TRAPPC9: variants seen among roughly 807,000 people sequenced by gnomAD.
TRAPPC9 encodes the protein trafficking protein particle complex subunit 9.
A neutral mutation model predicts 124.0 loss-of-function variants in TRAPPC9; 83 were observed. The observed-to-expected ratio is 0.67, with a 90% CI of 0.56 to 0.80. The LOEUF (loss-of-function observed/expected upper bound fraction) is 0.80. TRAPPC9 is among the 30% of genes least tolerant of loss of function. TRAPPC9 has a pLI of 0.00. For synonymous variants in TRAPPC9, 638 were observed against 617.5 expected, an observed-to-expected ratio of 1.03 and a Z score of -0.49; for missense variants, 1,302 against 1,508.3, an observed-to-expected ratio of 0.86 and a Z score of 2.27.
Position 140,268,898 on chromosome 8 carries a change from G to A in TRAPPC9, c.2278+6760C>T, listed in dbSNP as rs2064782229. Among the ~76,000 whole-genome samples, 6 of 152,114 alleles carry A rather than the reference G, an allele frequency of 3.9e-5. No individual in the cohort carries two copies. In the South Asian group the frequency reaches 1.0e-3, roughly 26 times the overall value. On this transcript the variant is annotated intron_variant, in intron 15 of 22. Transcript: ENST00000438773. Reference sequence around the variant, plus strand: ...AGCATCTCCCTTGGAATTCTGTCCCGCTGCCACAGTGCTCCCCACCTTCTA... The same window carrying A: ...AGCATCTCCCTTGGAATTCTGTCCCACTGCCACAGTGCTCCCCACCTTCTA...
intron 19 of TRAPPC9, among the ~76,000 whole-genome samples, chr8:139,987,094 T>G (rs1837284185): frequency 6.6e-6 from 1 of 152,146 alleles, no homozygotes; most frequent in African/African-American, 2.4e-5. Flanking sequence ...TGTGTATGAG[T>G]AATTCATTCG....
intron 7 of TRAPPC9, among the ~76,000 whole-genome samples, chr8:140,391,980 C>T (rs1467623457): frequency 1.3e-5 from 2 of 151,590 alleles, no homozygotes; most frequent in Non-Finnish European, 2.9e-5. Flanking sequence ...GAGCTGAGAT[C>T]GCGCCACTGC....
chr8:140,167,772 C>A lies in TRAPPC9; in HGVS notation c.2556+53687G>T, dbSNP rs73362951. Among the ~76,000 whole-genome samples the A allele has an allele frequency of 4.1e-3, 620 of 152,230 alleles. 5 individuals are homozygous for A. Among genetic ancestry groups the A allele is most frequent in the African/African-American group, 0.014 (598 of 41,518 alleles). On this transcript the variant is annotated intron_variant, in intron 17 of 22. Coordinates refer to ENST00000438773, the MANE Select transcript of TRAPPC9 (RefSeq NM_001160372.4). ...TTTCTTTCATTTCTAAAGCAAAAGG[C>A]CACACGAAAGCTGACCCAGTACTTC...
chr8:139,785,609 G>A (rs1342312779), intron 21 of TRAPPC9, among the ~76,000 whole-genome samples: 1 of 150,618 alleles, frequency 6.6e-6, no homozygotes, highest in Non-Finnish European at 1.5e-5. Flanking sequence ...GGCACCTGCA[G>A]TACCAGCTAC....
Position 140,074,248 on chromosome 8 carries a change from C to G in TRAPPC9, c.2557-50169G>C, listed in dbSNP as rs146512142. On this transcript the variant is annotated intron_variant, in intron 17 of 22. Coordinates refer to ENST00000438773, the MANE Select transcript of TRAPPC9 (RefSeq NM_001160372.4). ...AGACTCCTCCTCCTCCTACACCCCT[C>G]CAGCCCAGGGACACTGGAGTGGGCG... Among the ~76,000 whole-genome samples, 599 of 152,320 alleles carry G rather than the reference C, an allele frequency of 3.9e-3. 8 individuals are homozygous for G. Among genetic ancestry groups the G allele is most frequent in the African/African-American group, 0.014 (563 of 41,582 alleles).
chr8:140,222,879 C>T lies in TRAPPC9; in HGVS notation c.2432-1296G>A, dbSNP rs890677895. ...CAGAGGCAACTTGTGCAAGAAATCA[C>T]GTTCATACTGATTTTGACTTAAGAT... On this transcript the variant is annotated intron_variant, in intron 16 of 22. Coordinates refer to ENST00000438773, the MANE Select transcript of TRAPPC9 (RefSeq NM_001160372.4). Among the ~76,000 whole-genome samples, 26 of 152,288 alleles carry T rather than the reference C, an allele frequency of 1.7e-4. 1 individual carries two copies. The highest frequency in any genetic ancestry group is 1.4e-3 in the Admixed American group (22 of 15,298).
chr8:139,911,952 T>C (rs1276815421), intron 19 of TRAPPC9, among the ~76,000 whole-genome samples: 5 of 152,116 alleles, frequency 3.3e-5, no homozygotes, highest in Admixed American at 2.6e-4. Flanking sequence ...GCCTGAGGCA[T>C]GACATGCGGG....
intron 17 of TRAPPC9, among the ~76,000 whole-genome samples, chr8:140,033,673 T>TTGTTG (rs1840670489): frequency 1.0e-4 from 8 of 76,732 alleles, no homozygotes; most frequent in Non-Finnish European, 1.8e-4. Flanking sequence ...TTTTTTTTTT[T>TTGTTG]TTTTTTTTTT....
intron 16 of TRAPPC9, among the ~76,000 whole-genome samples, chr8:140,245,753 G>A (rs2063968902): frequency 6.6e-6 from 1 of 152,180 alleles, no homozygotes; most frequent in Non-Finnish European, 1.5e-5. Context: ...CTGTAAATTA[G>A]CAGTTAGAGC....
chr8:140,170,390 T>A (rs886529365), intron 17 of TRAPPC9, among the ~76,000 whole-genome samples: 1 of 152,188 alleles, frequency 6.6e-6, no homozygotes, highest in Non-Finnish European at 1.5e-5. Flanking sequence ...GCTCAGCCAA[T>A]AAGCAAAAGA....
intron 11 of TRAPPC9, among the ~76,000 whole-genome samples, chr8:140,293,410 G>A (rs1194938770): frequency 1.3e-5 from 2 of 151,986 alleles, no homozygotes; most frequent in African/African-American, 4.8e-5. Flanking sequence ...AAAGACACAT[G>A]CACACGTATG....
intron 17 of TRAPPC9, among the ~76,000 whole-genome samples, chr8:140,111,796 C>A (rs1178541325): frequency 1.3e-5 from 2 of 152,232 alleles, no homozygotes; most frequent in African/African-American, 4.8e-5. Context: ...AAAAAGTGAT[C>A]GGTGTGATAG....
At chr8:139,814,116 C>T (rs958883108) in intron 21 of TRAPPC9, among the ~76,000 whole-genome samples, 1 of 152,240 alleles carries the variant, frequency 6.6e-6, no homozygotes. Flanking sequence ...CAAGAAGAAT[C>T]ACGTTCCTCC....
chr8:139,747,816 G>C (rs1184076178), intron 21 of TRAPPC9, among the ~76,000 whole-genome samples: 1 of 61,350 alleles, frequency 1.6e-5, no homozygotes, highest in Non-Finnish European at 2.9e-5. Flanking sequence ...GTGGGTGTGG[G>C]GGTGTCCCGG....
At chr8:139,847,593 G>A (rs1262104524) in intron 21 of TRAPPC9, among the ~76,000 whole-genome samples, 1 of 148,770 alleles carries the variant, frequency 6.7e-6, no homozygotes, top group Non-Finnish European at 1.5e-5. Flanking sequence ...ATGGGCACGA[G>A]CACCTGCCTC....
intron 17 of TRAPPC9, among the ~76,000 whole-genome samples, chr8:140,077,459 A>C (rs1162178446): frequency 3.9e-5 from 6 of 152,160 alleles, no homozygotes; most frequent in Non-Finnish European, 7.3e-5. Context: ...GTTAGGTACC[A>C]AGGCAGGTGT....
chr8:139,823,121 A>T (rs778136961), intron 21 of TRAPPC9, among the ~76,000 whole-genome samples: 1 of 151,880 alleles, frequency 6.6e-6, no homozygotes, highest in Non-Finnish European at 1.5e-5. Context: ...TCCACATACA[A>T]CCACACTGGG....
At chr8:140,110,723 C>T (rs1242100535) in intron 17 of TRAPPC9, among the ~76,000 whole-genome samples, 15 of 29,680 alleles carry the variant, frequency 5.1e-4, no homozygotes, top group African/African-American at 2.4e-3. Flanking sequence ...CCTGAACCCC[C>T]TGTAGCAGCT....
chr8:139,892,199 C>A (rs531891754), intron 20 of TRAPPC9, among the ~76,000 whole-genome samples: 5 of 152,368 alleles, frequency 3.3e-5, no homozygotes, highest in Non-Finnish European at 7.3e-5. Flanking sequence ...AAATCTCCTG[C>A]ACTGCTGTGC....
Sources: allele counts gnomAD v4.1 joint callset (sites outside exome capture counted in the v4.1 genomes callset), GRCh38; gene constraint gnomAD v4.1.1; transcripts MANE v1.5; gene names NCBI Gene and HGNC (gene_info 2026-07-23, HGNC 2026-07-21).